Variants in SYN2 observed in about 807,000 individuals in gnomAD.
SYN2 encodes the protein synapsin-2.
A neutral mutation model predicts 50.9 loss-of-function variants in SYN2; 19 were observed. The ratio of observed to expected loss-of-function variants is 0.37; its 90% confidence interval spans 0.26 to 0.55. The LOEUF is 0.55. Among genes scored for constraint, SYN2 ranks in the 20% least tolerant of loss-of-function variants. The pLI is 0.81. For synonymous variants in SYN2, 255 were observed against 224.9 expected (o/e 1.13, Z -1.20); for missense variants, 587 against 576.4 (o/e 1.02, Z -0.19).
intron 1 of SYN2, among the ~76,000 whole-genome samples, chr3:12,123,307 G>A (rs1696601375): frequency 6.6e-6 from 1 of 152,096 alleles, no homozygotes; most frequent in African/African-American, 2.4e-5. Context: ...GAGCATCAAA[G>A]ACAAAAAGTA....
At chr3:12,077,332 A>C (rs1376415483) in intron 1 of SYN2, among the ~76,000 whole-genome samples, 1 of 152,064 alleles carries the variant, frequency 6.6e-6, no homozygotes, top group Non-Finnish European at 1.5e-5. Context: ...TTTTCTTTTA[A>C]GTTCCAGGGC....
At chr3:12,067,581 C>T (rs1378090540) in intron 1 of SYN2, among the ~76,000 whole-genome samples, 1 of 148,958 alleles carries the variant, frequency 6.7e-6, no homozygotes, top group Admixed American at 6.7e-5. Flanking sequence ...TTTTCATCTG[C>T]ATATTACAAG....
At chr3:12,170,354 AGG>A in intron 10 of SYN2, among the ~76,000 whole-genome samples, 1 of 152,328 alleles carries the variant, frequency 6.6e-6, no homozygotes. Context: ...TGGTCTGGAA[AGG>A]GGAGAGTCAG....
At chr3:12,013,074 A>G (rs2125131405) in intron 1 of SYN2, among the ~76,000 whole-genome samples, 1 of 152,340 alleles carries the variant, frequency 6.6e-6, no homozygotes, top group East Asian at 1.9e-4. Flanking sequence ...TTGACACTGT[A>G]TATCTTCCCT....
rs576229734 is a variant in SYN2 at position 12,099,394 on chromosome 3, G to A, written c.378-41257G>A. On this transcript the variant is annotated intron_variant, in intron 1 of 12. Transcript: ENST00000621198. ...ACTGCAATAGGATGAAATTAGAAAT[G>A]AGTAACAGAAGGAAATTTGAGAAAT... Among the ~76,000 whole-genome samples the A allele has an allele frequency of 1.2e-4, 19 of 152,202 alleles. 1 individual carries two copies. The highest frequency in any genetic ancestry group is 4.6e-4 in the African/African-American group (19 of 41,532).
At chr3:12,085,225 A>G (rs1008773355) in intron 1 of SYN2, among the ~76,000 whole-genome samples, 11 of 152,126 alleles carry the variant, frequency 7.2e-5, no homozygotes, top group African/African-American at 2.7e-4. Flanking sequence ...AGGAATAGCT[A>G]TACTTACATC....
chr3:12,059,027 G>T (rs968947422), intron 1 of SYN2, among the ~76,000 whole-genome samples: 1 of 152,196 alleles, frequency 6.6e-6, no homozygotes, highest in Non-Finnish European at 1.5e-5. Context: ...TCCAAGTCAT[G>T]TGTTGCCAAA....
intron 1 of SYN2, among the ~76,000 whole-genome samples, chr3:12,088,575 C>T (rs907850815): frequency 6.6e-5 from 10 of 152,078 alleles, no homozygotes; most frequent in African/African-American, 2.2e-4. Flanking sequence ...ATCAGTATGT[C>T]GAAGAGATAT....
chr3:12,124,499 C>G (rs927420874), intron 1 of SYN2, among the ~76,000 whole-genome samples: 6 of 151,880 alleles, frequency 4.0e-5, no homozygotes, highest in African/African-American at 1.5e-4. Flanking sequence ...TGCAAGGGAC[C>G]CCTGTACAAG....
intron 2 of SYN2, among the ~76,000 whole-genome samples, chr3:12,141,403 A>C (rs547253257): frequency 6.6e-6 from 1 of 152,346 alleles, no homozygotes; most frequent in African/African-American, 2.4e-5. Context: ...GATTGATAAA[A>C]ATTATTCCCA....
intron 1 of SYN2, among the ~76,000 whole-genome samples, chr3:12,007,946 A>T (rs771413088): frequency 3.9e-5 from 6 of 152,218 alleles, no homozygotes; most frequent in Non-Finnish European, 7.3e-5. Flanking sequence ...TGAAAAATTT[A>T]TCTGTGCCAT....
intron 1 of SYN2, among the ~76,000 whole-genome samples, chr3:12,082,382 T>G (rs543073793): frequency 8.5e-5 from 13 of 152,320 alleles, no homozygotes; most frequent in Non-Finnish European, 1.5e-4. Flanking sequence ...CATAAACAGT[T>G]TAGGCACAGT....
At chr3:12,147,828 T>C (rs1184304313) in intron 4 of SYN2, among the ~76,000 whole-genome samples, 2 of 152,082 alleles carry the variant, frequency 1.3e-5, no homozygotes, top group African/African-American at 2.4e-5. Flanking sequence ...TTAAAGAAAT[T>C]TGTGGCCAGA....
At chr3:12,070,574 G>T in intron 1 of SYN2, 1 of 1,296,194 alleles carries the variant, frequency 7.7e-7, no homozygotes, top group Non-Finnish European at 1.1e-6. Flanking sequence ...TGAACCCCAA[G>T]GCCAACAGAG....
chr3:12,174,577 G>C (rs576732389), intron 10 of SYN2, among the ~76,000 whole-genome samples: 2 of 152,172 alleles, frequency 1.3e-5, no homozygotes, highest in Non-Finnish European at 2.9e-5. Context: ...CGCCTCCCGG[G>C]TTCAAGCGAT....
intron 1 of SYN2, among the ~76,000 whole-genome samples, chr3:12,092,330 C>G (rs1169719263): frequency 6.6e-6 from 1 of 152,124 alleles, no homozygotes; most frequent in African/African-American, 2.4e-5. Flanking sequence ...ATATGTTGCT[C>G]TTTCTTTAAG....
At chr3:12,013,565 A>T (rs145648801) in intron 1 of SYN2, among the ~76,000 whole-genome samples, 1 of 152,194 alleles carries the variant, frequency 6.6e-6, no homozygotes, top group East Asian at 1.9e-4. Flanking sequence ...TTGATCCAAT[A>T]TTGAAATCCA....
intron 1 of SYN2, among the ~76,000 whole-genome samples, chr3:12,116,191 C>G (rs1319928751): frequency 6.6e-6 from 1 of 152,150 alleles, no homozygotes; most frequent in Non-Finnish European, 1.5e-5. Flanking sequence ...AATTATGGAC[C>G]TTTCTGAACT....
At chr3:12,062,879 C>G (rs749138518) in intron 1 of SYN2, among the ~76,000 whole-genome samples, 2 of 151,966 alleles carry the variant, frequency 1.3e-5, no homozygotes, top group African/African-American at 4.8e-5. Flanking sequence ...AACATCCAGA[C>G]AGTAGAATAT....
Sources: allele counts gnomAD v4.1 joint callset (sites outside exome capture counted in the v4.1 genomes callset), GRCh38; gene constraint gnomAD v4.1.1; transcripts MANE v1.5; gene names NCBI Gene and HGNC (gene_info 2026-07-23, HGNC 2026-07-21).